The following UBE2E2 variants were observed in gnomAD, a reference collection of about 807,000 sequenced individuals.
UBE2E2 encodes ubiquitin conjugating enzyme E2 E2, also known as ubiquitin-conjugating enzyme E2 E2.
In UBE2E2, 6 loss-of-function variants were observed where a neutral mutation model predicts 24.7. The observed-to-expected ratio is 0.24, with a 90% CI of 0.13 to 0.48. The LOEUF (loss-of-function observed/expected upper bound fraction) is 0.48, where lower values mean the gene tolerates loss of function less well. Among genes scored for constraint, UBE2E2 ranks in the 20% least tolerant of loss-of-function variants. The probability of loss-of-function intolerance (pLI) is 0.99; values close to 1 mark genes in which losing one functional copy is unlikely to be tolerated. For synonymous variants in UBE2E2, 104 were observed against 83.6 expected, an observed-to-expected ratio of 1.24 and a Z score of -1.33; for missense variants, 169 against 245.0, an observed-to-expected ratio of 0.69 and a Z score of 2.07.
chr3:23,204,868 G>A (rs911625971), intron 1 of UBE2E2: 8 of 642,150 alleles, frequency 1.2e-5, no homozygotes, highest in African/African-American at 2.0e-5. Context: ...ACGCTTTCCT[G>A]TTATAAAAGC....
chr3:23,268,076 A>G (rs1291520032), intron 3 of UBE2E2, among the ~76,000 whole-genome samples: 3 of 151,888 alleles, frequency 2.0e-5, no homozygotes, highest in African/African-American at 4.8e-5. Flanking sequence ...AGAGCTATCT[A>G]TGACAAACCC....
intron 3 of UBE2E2, among the ~76,000 whole-genome samples, chr3:23,429,602 A>G (rs2125399185): frequency 6.6e-6 from 1 of 152,352 alleles, no homozygotes; most frequent in Non-Finnish European, 1.5e-5. Flanking sequence ...GACTTGGTAA[A>G]CTAGGAATAG....
At position 23,534,234 on chromosome 3, in the gene UBE2E2, C is replaced by T. The variant is rs981701906; in HGVS notation, c.508+1533C>T. The T allele has an allele frequency of 1.7e-5, 17 of 983,302 alleles. 2 individuals carry two copies. The highest frequency in any genetic ancestry group is 2.3e-4 in the East Asian group (2 of 8,704). The allele number at this position is 983,302 out of a possible 1,614,324, so 60.9% of individuals were successfully genotyped here. On this transcript the variant is annotated intron_variant, in intron 5 of 5. Coordinates refer to ENST00000396703, the MANE Select transcript of UBE2E2 (RefSeq NM_152653.4). ...CCCTGAATAAGCCTGTATATGACAG[C>T]CTGTTCTCTCTACAGATATTCCTGC...
chr3:23,356,537 T>A (rs1210276660), intron 3 of UBE2E2, among the ~76,000 whole-genome samples: 3 of 152,206 alleles, frequency 2.0e-5, no homozygotes, highest in Non-Finnish European at 4.4e-5. Context: ...CCGAATTTAT[T>A]TTTGTTAATT....
chr3:23,255,320 C>G (rs1378390375), intron 3 of UBE2E2, among the ~76,000 whole-genome samples: 1 of 151,602 alleles, frequency 6.6e-6, no homozygotes, highest in African/African-American at 2.4e-5. Flanking sequence ...TCTCGAACTC[C>G]TCAGCTCAAG....
chr3:23,314,873 T>C (rs1473862652), intron 3 of UBE2E2, among the ~76,000 whole-genome samples: 1 of 152,206 alleles, frequency 6.6e-6, no homozygotes, highest in African/African-American at 2.4e-5. Context: ...CTCTTTTTAG[T>C]ATCCTTTATT....
chr3:23,514,455 T>A (rs1477316833), intron 4 of UBE2E2, among the ~76,000 whole-genome samples: 2 of 152,148 alleles, frequency 1.3e-5, no homozygotes, highest in East Asian at 3.8e-4. Context: ...TATTGTGCAG[T>A]GTGTATGTGT....
At chr3:23,588,468 A>G (rs1313162172) in intron 5 of UBE2E2, among the ~76,000 whole-genome samples, 1 of 137,120 alleles carries the variant, frequency 7.3e-6, no homozygotes, top group African/African-American at 2.8e-5. Flanking sequence ...CCAGGCTGGT[A>G]TGTGGTGGCA....
chr3:23,568,668 C>CACATAT (rs1559424896), intron 5 of UBE2E2, among the ~76,000 whole-genome samples: 1 of 44,032 alleles, frequency 2.3e-5, no homozygotes, highest in African/African-American at 1.0e-4. Flanking sequence ...TACATATATA[C>CACATAT]GCACATATAT....
At chr3:23,461,870 GTTAC>G (rs919396884) in intron 3 of UBE2E2, among the ~76,000 whole-genome samples, 59 of 152,048 alleles carry the variant, frequency 3.9e-4, no homozygotes, top group African/African-American at 1.4e-3. Flanking sequence ...CAATAAAACT[GTTAC>G]TTCAAGAGTA....
chr3:23,334,461 A>G lies in UBE2E2; in HGVS notation c.227+117149A>G, dbSNP rs182017346. ...ATTGGTGGTACCTACTCATAGGAAA[A>G]GATTTTAGTGTACAAAAAGAGGCTA... is the stretch of plus-strand genomic sequence containing the variant. On this transcript the variant is annotated intron_variant, in intron 3 of 5. Transcript: ENST00000396703. Among the ~76,000 whole-genome samples the G allele has an allele frequency of 2.6e-3, 389 of 152,306 alleles. 3 individuals carry two copies. The highest frequency in any genetic ancestry group is 9.0e-3 in the African/African-American group (373 of 41,570).
chr3:23,300,750 C>G (rs1483880361), intron 3 of UBE2E2, among the ~76,000 whole-genome samples: 2 of 152,020 alleles, frequency 1.3e-5, no homozygotes, highest in Non-Finnish European at 2.9e-5. Context: ...GTGAATCTGA[C>G]AATTATGTGT....
intron 3 of UBE2E2, among the ~76,000 whole-genome samples, chr3:23,486,941 G>A (rs1699385760): frequency 6.6e-6 from 1 of 152,192 alleles, no homozygotes; most frequent in Non-Finnish European, 1.5e-5. Flanking sequence ...TTGAAGGTGG[G>A]ATTTCACTGG....
chr3:23,470,314 G>T (rs989457968), intron 3 of UBE2E2, among the ~76,000 whole-genome samples: 1 of 152,136 alleles, frequency 6.6e-6, no homozygotes, highest in African/African-American at 2.4e-5. Flanking sequence ...TCACAAGAAA[G>T]ATCCTCCCCC....
At chr3:23,442,121 A>G (rs1698320858) in intron 3 of UBE2E2, among the ~76,000 whole-genome samples, 1 of 152,196 alleles carries the variant, frequency 6.6e-6, no homozygotes, top group African/African-American at 2.4e-5. Flanking sequence ...GAACATATGT[A>G]TATTTTAATA....
chr3:23,409,770 C>A (rs976795134), intron 3 of UBE2E2, among the ~76,000 whole-genome samples: 1 of 152,052 alleles, frequency 6.6e-6, no homozygotes, highest in African/African-American at 2.4e-5. Flanking sequence ...TCAGAAAGCT[C>A]TGTGGAAAAA....
At chr3:23,261,545 A>G in intron 3 of UBE2E2, among the ~76,000 whole-genome samples, 1 of 152,128 alleles carries the variant, frequency 6.6e-6, no homozygotes, top group East Asian at 1.9e-4. Flanking sequence ...GCTATAGTTA[A>G]TTATGCTGTA....
intron 3 of UBE2E2, among the ~76,000 whole-genome samples, chr3:23,222,494 G>A (rs1326687322): frequency 2.0e-5 from 3 of 152,166 alleles, no homozygotes; most frequent in East Asian, 3.9e-4. Context: ...CTGTTCTTGT[G>A]GTAATGAATA....
chr3:23,406,048 A>G (rs890948137), intron 3 of UBE2E2, among the ~76,000 whole-genome samples: 2 of 152,260 alleles, frequency 1.3e-5, no homozygotes, highest in African/African-American at 4.8e-5. Flanking sequence ...TTTGTTAAAA[A>G]GTAAATGAAA....
Sources: allele counts gnomAD v4.1 joint callset (sites outside exome capture counted in the v4.1 genomes callset), GRCh38; gene constraint gnomAD v4.1.1; transcripts MANE v1.5; gene names NCBI Gene and HGNC (gene_info 2026-07-23, HGNC 2026-07-21).